FAM167A: variants seen among roughly 807,000 people sequenced by gnomAD.
FAM167A encodes protein FAM167A.
FAM167A carries 23 observed loss-of-function variants against 14.9 expected under a neutral mutation model. The observed-to-expected ratio is 1.55, with a 90% CI of 1.11 to 2.19. The LOEUF (loss-of-function observed/expected upper bound fraction) is 2.19. Among genes scored for constraint, FAM167A ranks in the 30% most tolerant of loss-of-function variants. FAM167A has a pLI of 0.00. For missense variants in FAM167A, 401 were observed against 281.5 expected (o/e 1.42, Z -3.04); for synonymous variants, 174 against 117.7 (o/e 1.48, Z -3.10).
chr8:11,442,898 C>T (rs905049322), intron 2 of FAM167A, among the ~76,000 whole-genome samples: 2 of 152,210 alleles, frequency 1.3e-5, no homozygotes, highest in African/African-American at 4.8e-5. Flanking sequence ...CAGATCCCTG[C>T]GTCCCTGAGC....
At chr8:11,438,088 C>T (rs111707729) in intron 2 of FAM167A, 11,045 of 455,488 alleles carry the variant, frequency 0.024, 177 homozygotes, top group Non-Finnish European at 0.034. Flanking sequence ...TTGGCCTCAC[C>T]CCACCCCAGC....
chr8:11,442,727 C>A (rs1172200499), intron 2 of FAM167A, among the ~76,000 whole-genome samples: 1 of 151,954 alleles, frequency 6.6e-6, no homozygotes, highest in Non-Finnish European at 1.5e-5. Flanking sequence ...TGATAGAGCA[C>A]CCCAGAGATA....
chr8:11,460,763 C>T (rs1046513629), intron 1 of FAM167A, among the ~76,000 whole-genome samples: 6 of 152,166 alleles, frequency 3.9e-5, no homozygotes, highest in African/African-American at 1.4e-4. Context: ...GGTCCCACAG[C>T]TCCATGAGTG....
In FAM167A at chr8:11,425,241, C is replaced by T. The variant is rs1456670627; in HGVS notation, c.382-605G>A. On this transcript the variant is annotated intron_variant, in intron 2 of 2. Coordinates refer to ENST00000284486, the MANE Select transcript of FAM167A (RefSeq NM_053279.3). ...TAAGGCCTTTGGGTCTATTAACATG[C>T]AACAGTTAACCGTCACTACAACCTG... is the stretch of plus-strand genomic sequence containing the variant. Among the ~76,000 whole-genome samples, 3 of 152,160 alleles carry T rather than the reference C, an allele frequency of 2.0e-5. No individual in the cohort carries two copies. In the East Asian group the frequency reaches 5.8e-4, roughly 29 times the overall value.
Position 11,424,237 on chromosome 8 carries a change from C to T in FAM167A, c.*136G>A. ...GTGGGAGAGCACCACTGAATAGGTC[C>T]TGGGGCCCTTGAGTCGCCAGTCCCA... On this transcript the variant is annotated 3_prime_UTR_variant, in exon 3 of 3. Transcript: ENST00000284486. 1.7e-6 allele frequency: 2 copies of T among 1,163,514 alleles called. No individual in the cohort carries two copies. The highest frequency in any genetic ancestry group is 2.5e-5 in the East Asian group (1 of 39,944). The allele number at this position is 1,163,514 out of a possible 1,614,324, so 72.1% of individuals were successfully genotyped here.
At chr8:11,440,694 A>G (rs1157163340) in intron 2 of FAM167A, among the ~76,000 whole-genome samples, 1 of 152,258 alleles carries the variant, frequency 6.6e-6, no homozygotes, top group African/African-American at 2.4e-5. Flanking sequence ...TAAGGGAATT[A>G]CAGATTTCTA....
intron 2 of FAM167A, among the ~76,000 whole-genome samples, chr8:11,435,993 T>G (rs73207500): frequency 0.14 from 21,576 of 152,234 alleles, 2,020 homozygotes; most frequent in Non-Finnish European, 0.21. Context: ...AGCTCCTGGG[T>G]GCCGGGTCCC....
chr8:11,442,372 T>G (rs1255156823), intron 2 of FAM167A, among the ~76,000 whole-genome samples: 3 of 151,892 alleles, frequency 2.0e-5, no homozygotes, highest in Non-Finnish European at 2.9e-5. Context: ...GCTTTGGGAA[T>G]CCTAAAAGCT....
At chr8:11,452,235 T>C (rs1283843869) in intron 1 of FAM167A, among the ~76,000 whole-genome samples, 1 of 152,220 alleles carries the variant, frequency 6.6e-6, no homozygotes, top group Non-Finnish European at 1.5e-5. Context: ...TGACAGGCTA[T>C]GCTTGATGAG....
intron 2 of FAM167A, among the ~76,000 whole-genome samples, chr8:11,442,106 T>C (rs1027926838): frequency 1.3e-5 from 2 of 152,230 alleles, no homozygotes; most frequent in African/African-American, 4.8e-5. Context: ...CAATTTCTGC[T>C]CTGCTGTTGG....
At chr8:11,456,392 T>TGA (rs143216488) in intron 1 of FAM167A, among the ~76,000 whole-genome samples, 2,140 of 116,164 alleles carry the variant, frequency 0.018, 1 homozygote, top group Middle Eastern at 0.04. Context: ...GCCTGGTGTG[T>TGA]GTGTGAGTGT....
At chr8:11,427,370 C>T (rs146446121) in intron 2 of FAM167A, among the ~76,000 whole-genome samples, 1 of 152,344 alleles carries the variant, frequency 6.6e-6, no homozygotes, top group Non-Finnish European at 1.5e-5. Flanking sequence ...CACTTTGTCA[C>T]TGGGACAGGT....
upstream of FAM167A, among the ~76,000 whole-genome samples, chr8:11,468,157 C>T (rs1807846062): frequency 6.6e-6 from 1 of 152,232 alleles, no homozygotes; most frequent in Non-Finnish European, 1.5e-5. Context: ...CCTCCACAAA[C>T]AGGGGAAACT....
chr8:11,424,645 G>T lies in FAM167A; in HGVS notation c.382-9C>A. 1.2e-6 allele frequency: 2 copies of T among 1,612,872 alleles called. No homozygotes were observed. Among genetic ancestry groups the T allele is most frequent in the Non-Finnish European group, 1.7e-6 (2 of 1,179,518 alleles). On this transcript the variant is annotated splice_polypyrimidine_tract_variant and intron_variant, in intron 2 of 2. Transcript: ENST00000284486. ...TGCAGCCGCATCTCCGTCTGGAAGG[G>T]AGGGGGAGCAGGCAGGGTCAGCAGA...
At chr8:11,426,186 A>ACC (rs894053799) in intron 2 of FAM167A, among the ~76,000 whole-genome samples, 2 of 152,138 alleles carry the variant, frequency 1.3e-5, no homozygotes, top group African/African-American at 4.8e-5. Flanking sequence ...CTTTGAATCT[A>ACC]CCTAAGACCT....
chr8:11,425,792 TCACATAACAGGTAGC>T (rs1805099590), intron 2 of FAM167A, among the ~76,000 whole-genome samples: 1 of 132,556 alleles, frequency 7.5e-6, no homozygotes, highest in African/African-American at 2.7e-5. Flanking sequence ...TGGTATAGCG[TCACATAACAGGTAGC>T]AAACCCTGAA....
At chr8:11,471,655 T>C (rs1807963664), upstream of FAM167A, among the ~76,000 whole-genome samples, 1 of 152,200 alleles carries the variant, frequency 6.6e-6, no homozygotes, top group Admixed American at 6.5e-5. Context: ...CCTTGATCCG[T>C]GAGCGAGAGG....
intron 1 of FAM167A, among the ~76,000 whole-genome samples, chr8:11,446,008 A>G (rs1013535186): frequency 3.8e-5 from 5 of 132,366 alleles, no homozygotes; most frequent in Non-Finnish European, 8.0e-5. Context: ...GCCTAAAAAC[A>G]TCCCGGCCAA....
chr8:11,429,984 G>C, intron 2 of FAM167A, among the ~76,000 whole-genome samples: 1 of 152,258 alleles, frequency 6.6e-6, no homozygotes, highest in South Asian at 2.1e-4. Context: ...TTCTCTCCAG[G>C]CCAAGGCACA....
Sources: gnomAD v4.1 joint callset for allele counts (sites outside exome capture counted in the v4.1 genomes callset) on GRCh38, gnomAD v4.1.1 for gene constraint, MANE v1.5 for transcripts, NCBI Gene and HGNC (gene_info 2026-07-23, HGNC 2026-07-21) for gene names.